PDE3A: variants seen among roughly 807,000 people sequenced by gnomAD.
PDE3A encodes the protein phosphodiesterase 3A, also known as cGMP-inhibited 3',5'-cyclic phosphodiesterase 3A.
In PDE3A, 43 loss-of-function variants were observed where a neutral mutation model predicts 98.3. The ratio of observed to expected loss-of-function variants is 0.44; its 90% CI spans 0.34 to 0.56. The LOEUF is 0.56. PDE3A is among the 20% of genes least tolerant of loss of function. PDE3A has a pLI of 0.01. For missense variants in PDE3A, 1,427 were observed against 1,440.7 expected (o/e 0.99, Z 0.15); for synonymous variants, 663 against 567.9 (o/e 1.17, Z -2.38).
intron 2 of PDE3A, among the ~76,000 whole-genome samples, chr12:20,591,686 T>C (rs932518813): frequency 1.3e-5 from 2 of 152,234 alleles, no homozygotes; most frequent in African/African-American, 4.8e-5. Flanking sequence ...TTATTCTTTT[T>C]TCTCAGACTC....
intron 1 of PDE3A, among the ~76,000 whole-genome samples, chr12:20,396,934 C>T (rs1944030651): frequency 6.6e-6 from 1 of 151,936 alleles, no homozygotes; most frequent in African/African-American, 2.4e-5. Flanking sequence ...TAGTCAAATC[C>T]CTGCTCTGCC....
chr12:20,376,864 G>T (rs1047069640), intron 1 of PDE3A, among the ~76,000 whole-genome samples: 3 of 151,820 alleles, frequency 2.0e-5, no homozygotes, highest in Middle Eastern at 3.2e-3. Context: ...CTATTTGAGA[G>T]AAGTCACAAA....
intron 1 of PDE3A, among the ~76,000 whole-genome samples, chr12:20,386,069 T>TAAATATATATAAAATATATA (rs1943768133): frequency 8.3e-5 from 1 of 12,070 alleles, no homozygotes; most frequent in Non-Finnish European, 1.8e-4. Context: ...TAAATATATA[T>TAAATATATATAAAATATATA]AAAATATATA....
intron 1 of PDE3A, among the ~76,000 whole-genome samples, chr12:20,448,425 G>A (rs941241077): frequency 3.9e-5 from 6 of 152,116 alleles, no homozygotes; most frequent in African/African-American, 1.4e-4. Flanking sequence ...TGGGCAACAA[G>A]AGCGAAACTC....
At chr12:20,621,254 T>C in intron 4 of PDE3A, 42 bp from the exon 5 acceptor site, 3 of 1,109,738 alleles carry the variant, frequency 2.7e-6, no homozygotes, top group Non-Finnish European at 4.1e-6. Context: ...GATGAATAAT[T>C]TGTTTAATTT....
At chr12:20,551,979 T>A (rs564643835) in intron 1 of PDE3A, 2 of 1,612,722 alleles carry the variant, frequency 1.2e-6, no homozygotes, top group East Asian at 4.5e-5. Flanking sequence ...CTGGCATCCA[T>A]GGCCGGAGCA....
chr12:20,548,276 G>A (rs902074121), intron 1 of PDE3A, among the ~76,000 whole-genome samples: 22 of 152,034 alleles, frequency 1.4e-4, no homozygotes, highest in African/African-American at 5.1e-4. Context: ...TTTTTTTAGA[G>A]AATTTCTTCA....
chr12:20,568,082 ATAGG>A, intron 2 of PDE3A, among the ~76,000 whole-genome samples: 1 of 152,004 alleles, frequency 6.6e-6, no homozygotes, highest in Non-Finnish European at 1.5e-5. Context: ...AAATAGCATT[ATAGG>A]TTTAAGTACA....
chr12:20,370,284 G>T, intron 1 of PDE3A, 40 bp downstream of exon 1: 1 of 1,481,542 alleles, frequency 6.7e-7, no homozygotes, highest in Non-Finnish European at 8.9e-7. Context: ...TTGGAAACTT[G>T]AAACACTTGG....
rs56148951 is a variant in PDE3A at position 20,506,099 on chromosome 12, G to GGT, written c.961-50532_961-50531dup. 5.3e-3 allele frequency among the ~76,000 whole-genome samples: 796 copies of GGT among 148,892 alleles called. 7 individuals carry two copies. The highest frequency in any genetic ancestry group is 0.023 in the South Asian group (108 of 4,690). On this transcript the variant is annotated intron_variant, in intron 1 of 15. Coordinates refer to ENST00000359062, the MANE Select transcript of PDE3A (RefSeq NM_000921.5). ...AGGAGCTATGGGAACTCTAAAGGAA[G>GGT]GTGTGTGTGTGTGTGTGTGTGTGTG... is the stretch of plus-strand genomic sequence containing the variant.
intron 2 of PDE3A, among the ~76,000 whole-genome samples, chr12:20,568,359 A>G (rs932001110): frequency 9.9e-5 from 15 of 152,010 alleles, no homozygotes; most frequent in African/African-American, 3.4e-4. Flanking sequence ...GCCAATATTA[A>G]TTAGGAAAAA....
At chr12:20,389,942 GA>G (rs201633212) in intron 1 of PDE3A, among the ~76,000 whole-genome samples, 44 of 147,444 alleles carry the variant, frequency 3.0e-4, no homozygotes, top group East Asian at 2.2e-3. Context: ...ATCTAAAATA[GA>G]AAAAAAAAAC....
At chr12:20,622,528 T>C (rs1487793588) in intron 5 of PDE3A, among the ~76,000 whole-genome samples, 1 of 152,164 alleles carries the variant, frequency 6.6e-6, no homozygotes, top group Admixed American at 6.5e-5. Flanking sequence ...TCCTCTCTGC[T>C]CTTTAGAAAT....
At chr12:20,503,249 A>G (rs986939624) in intron 1 of PDE3A, among the ~76,000 whole-genome samples, 1 of 152,032 alleles carries the variant, frequency 6.6e-6, no homozygotes, top group Non-Finnish European at 1.5e-5. Flanking sequence ...ATACTAGATA[A>G]TACTAATATG....
chr12:20,392,693 C>T (rs528892043), intron 1 of PDE3A, among the ~76,000 whole-genome samples: 3 of 152,120 alleles, frequency 2.0e-5, no homozygotes, highest in Non-Finnish European at 4.4e-5. Context: ...TTTATTGTAG[C>T]ACTGTTCACA....
Position 20,473,737 on chromosome 12 carries a change from A to G in PDE3A, c.961-82923A>G, listed in dbSNP as rs1285160120. On this transcript the variant is annotated intron_variant, in intron 1 of 15. Transcript: ENST00000359062. ...CTATTTTTGAACGCGTTAGAATCATACTGTGTTTCTTCTTTGACTCATTTT... is the reference window on the plus strand; with the variant it reads ...CTATTTTTGAACGCGTTAGAATCATGCTGTGTTTCTTCTTTGACTCATTTT... Among the ~76,000 whole-genome samples the G allele has an allele frequency of 4.6e-5, 7 of 152,080 alleles. No individual in the cohort carries two copies. In the East Asian group the frequency reaches 1.2e-3, roughly 25 times the overall value.
At chr12:20,394,768 TCAACTGGGC>T (rs2120626408) in intron 1 of PDE3A, among the ~76,000 whole-genome samples, 1 of 152,192 alleles carries the variant, frequency 6.6e-6, no homozygotes, top group South Asian at 2.1e-4. Context: ...GCATTGATTG[TCAACTGGGC>T]CAAATTTTGC....
chr12:20,614,927 G>A (rs7977337), intron 3 of PDE3A, among the ~76,000 whole-genome samples: 17,647 of 151,512 alleles, frequency 0.12, 1,186 homozygotes, highest in East Asian at 0.2. Flanking sequence ...GTGGGTTGTG[G>A]TTCTGTGTGT....
chr12:20,653,025 T>G (rs1163844469), intron 14 of PDE3A, among the ~76,000 whole-genome samples: 1 of 152,230 alleles, frequency 6.6e-6, no homozygotes, highest in African/African-American at 2.4e-5. Context: ...GGAAAATTCA[T>G]GTATAATAAT....
Sources: gnomAD v4.1 joint callset for allele counts (sites outside exome capture counted in the v4.1 genomes callset) on GRCh38, gnomAD v4.1.1 for gene constraint, MANE v1.5 for transcripts, NCBI Gene and HGNC (gene_info 2026-07-23, HGNC 2026-07-21) for gene names.